PIM3: variants seen among roughly 807,000 people sequenced by gnomAD.
PIM3 encodes the protein serine/threonine-protein kinase pim-3.
PIM3 carries 13 observed loss-of-function variants against 27.5 expected under a neutral mutation model. The observed-to-expected ratio is 0.47, with a 90% CI of 0.31 to 0.75. The LOEUF is 0.75. PIM3 is among the 30% of genes least tolerant of loss of function. PIM3 has a pLI of 0.05. For missense variants in PIM3, 482 were observed against 476.9 expected (o/e 1.01, Z -0.10); for synonymous variants, 341 against 221.1 (o/e 1.54, Z -4.81).
In PIM3 at chr22:49,962,762, G is replaced by C; in HGVS notation, c.690G>C (p.Ser230=). 3 of 1,612,708 alleles carry C rather than the reference G, an allele frequency of 1.9e-6. No individual in the cohort carries two copies. Among genetic ancestry groups the C allele is most frequent in the Non-Finnish European group, 2.5e-6 (3 of 1,179,962 alleles). ...ACGGGCGCTCGGCCACCGTGTGGTC[G>C]CTGGGCGTGCTTCTCTACGATATGG... The part of the protein sequence containing the change: ...RYHGRSATVW[S]LGVLLYDMVC... The change falls in exon 5 of 6, where the codon TCG becomes TCC. Residue 230 remains serine (S), a synonymous_variant. Transcript: ENST00000360612.
In PIM3 at chr22:49,961,209, G is replaced by C; in HGVS notation, c.170G>C (p.Gly57Ala). The C allele has an allele frequency of 6.5e-7, 1 of 1,531,818 alleles. No homozygotes were observed. The highest frequency in any genetic ancestry group is 8.7e-7 in the Non-Finnish European group (1 of 1,143,346). The allele number at this position is 1,531,818 out of a possible 1,614,324, so 94.9% of individuals were successfully genotyped here. A position where few individuals can be genotyped will look rare whatever the true frequency, so the allele number is the denominator to read the frequency against. Reference sequence around the variant, plus strand: ...GGCGGCTTCGGCACGGTCTACGCGGGTAGCCGCATCGCCGACGGGCTCCCG... The same window carrying C: ...GGCGGCTTCGGCACGGTCTACGCGGCTAGCCGCATCGCCGACGGGCTCCCG... Reference protein sequence around the residue: ...GSGGFGTVYAGSRIADGLPVA... With the variant: ...GSGGFGTVYAASRIADGLPVA... The change falls in exon 2 of 6, where the codon GGT becomes GCT. Residue 57 changes from glycine (G) to alanine (A), a missense_variant. Transcript: ENST00000360612.
At chr22:49,962,188 G>A (rs1441521669) in intron 4 of PIM3, among the ~76,000 whole-genome samples, 3 of 151,914 alleles carry the variant, frequency 2.0e-5, no homozygotes, top group Admixed American at 2.0e-4. Flanking sequence ...CCGGGAGCCT[G>A]GAGGCCCCCG....
Position 49,961,682 on chromosome 22 carries a change from A to G in PIM3, c.487A>G (p.Ser163Gly), listed in dbSNP as rs1478343656. ...GCTGGCCGCCGTGCGCCACTGCCAC[A>G]GCTGCGGGGTCGTGCACCGCGACAT... ...QVLAAVRHCH[S>G]CGVVHRDIKD... The change falls in exon 4 of 6, where the codon AGC (serine) becomes GGC (glycine). Residue 163 changes from serine to glycine, a missense_variant. Physicochemically the swap from Ser to Gly is moderately conservative, Grantham distance 56. Coordinates refer to ENST00000360612, the MANE Select transcript of PIM3 (RefSeq NM_001001852.4). 6.3e-7 allele frequency: 1 copy of G among 1,597,326 alleles called. No homozygotes were observed. Among genetic ancestry groups the G allele is most frequent in the Non-Finnish European group, 8.5e-7 (1 of 1,172,926 alleles).
chr22:49,961,287 T>C, intron 2 of PIM3, 31 bp from the exon 3 acceptor site: 1 of 1,543,124 alleles, frequency 6.5e-7, no homozygotes, highest in East Asian at 2.7e-5. Flanking sequence ...TGCGCCTCGC[T>C]TGGCCCGGCC....
At chr22:49,961,875 G>A (rs866225762) in intron 4 of PIM3, 64 bp downstream of exon 4, 2 of 1,585,094 alleles carry the variant, frequency 1.3e-6, no homozygotes, top group Middle Eastern at 4.0e-4. Flanking sequence ...CGCCTGCAGG[G>A]GCGGCACATG....
Position 49,961,555 on chromosome 22 carries a change from G to A in PIM3, c.360G>A (p.Leu120=). 1 of 1,545,560 alleles carries A rather than the reference G, an allele frequency of 6.5e-7. No individual in the cohort carries two copies. ...LDWFERPDGF[L]LVLERPEPAQ... The stretch of plus-strand genomic sequence containing the variant: ...GGTTCGAGCGGCCCGACGGCTTCCT[G>A]CTGGTGCTGGAGCGGCCCGAGCCGG... The change falls in exon 4 of 6, where the codon CTG becomes CTA. Residue 120 remains leucine (L), a synonymous_variant. Coordinates refer to ENST00000360612, the MANE Select transcript of PIM3 (RefSeq NM_001001852.4).
rs766565240 is a variant in PIM3 at position 49,962,837 on chromosome 22, C to T, written c.765C>T (p.Arg255=). ...AGGACGAGGAGATCCTCCGAGGCCGCCTGCTCTTCCGGAGGAGGGTCTCTC... is the reference window on the plus strand; with the variant it reads ...AGGACGAGGAGATCCTCCGAGGCCGTCTGCTCTTCCGGAGGAGGGTCTCTC... ...FEQDEEILRG[R]LLFRRRVSPE... is the part of the protein sequence containing the mutation. Residue 255 remains arginine, a synonymous_variant, in exon 5 of 6, where the codon CGC becomes CGT. Coordinates refer to ENST00000360612, the MANE Select transcript of PIM3 (RefSeq NM_001001852.4). 2.5e-6 allele frequency: 4 copies of T among 1,610,962 alleles called. No individual in the cohort carries two copies. The highest frequency in any genetic ancestry group is 1.1e-5 in the South Asian group (1 of 91,066).
rs1339550214 is a variant in PIM3 at position 49,960,938 on chromosome 22, G to A, written c.-10G>A. Reference sequence around the variant, plus strand: ...TGGGGCTCGGGGCTCCGGGGAGGCCGTCGCCCGCGATGCTGCTCTCCAAGT... The same window carrying A: ...TGGGGCTCGGGGCTCCGGGGAGGCCATCGCCCGCGATGCTGCTCTCCAAGT... On this transcript the variant is annotated 5_prime_UTR_variant, in exon 1 of 6. Transcript: ENST00000360612. The A allele has an allele frequency of 3.0e-6, 4 of 1,313,872 alleles. No homozygotes were observed. Among genetic ancestry groups the A allele is most frequent in the South Asian group, 3.5e-5 (2 of 57,860 alleles). The allele number at this position is 1,313,872 out of a possible 1,614,324, so 81.4% of individuals were successfully genotyped here.
rs1285600954 is a variant in PIM3, at chr22:49,961,564, G to A, written c.369G>A (p.Leu123=). 1 of 1,546,336 alleles carries A rather than the reference G, an allele frequency of 6.5e-7. No homozygotes were observed. The highest frequency in any genetic ancestry group is 8.7e-7 in the Non-Finnish European group (1 of 1,146,384). ...GGCCCGACGGCTTCCTGCTGGTGCT[G>A]GAGCGGCCCGAGCCGGCGCAGGACC... The part of the protein sequence containing the change: ...FERPDGFLLV[L]ERPEPAQDLF... The change falls in exon 4 of 6, where the codon CTG becomes CTA. Residue 123 remains leucine (L), a synonymous_variant. Transcript: ENST00000360612.
In PIM3 at chr22:49,960,953, G is replaced by A. The variant is rs545738703; in HGVS notation, c.6G>A (p.Leu2=). ...CGGGGAGGCCGTCGCCCGCGATGCT[G>A]CTCTCCAAGTTCGGCTCCCTGGCGC... The part of the protein sequence containing the change: M[L]LSKFGSLAHL... The change falls in exon 1 of 6, where the codon CTG becomes CTA. Residue 2 remains leucine (L), a synonymous_variant. Coordinates refer to ENST00000360612, the MANE Select transcript of PIM3 (RefSeq NM_001001852.4). The A allele has an allele frequency of 3.2e-5, 43 of 1,360,164 alleles. No individual in the cohort carries two copies. The East Asian group carries it at 5.3e-4, about 17-fold the overall frequency. The allele number at this position is 1,360,164 out of a possible 1,614,324, so 84.3% of individuals were successfully genotyped here. A position where few individuals can be genotyped will look rare whatever the true frequency, so the allele number is the denominator to read the frequency against.
At chr22:49,961,259 C>T (rs910475262) in intron 2 of PIM3, 25 bp downstream of exon 2, 1 of 1,536,746 alleles carries the variant, frequency 6.5e-7, no homozygotes, top group Non-Finnish European at 8.7e-7. Flanking sequence ...CGGGCGGGCC[C>T]GGGTTTCTCG....
At position 49,961,460 on chromosome 22, in the gene PIM3, C is replaced by T. The variant is rs1004265567; in HGVS notation, c.265C>T (p.Leu89=). 10 of 1,462,594 alleles carry T rather than the reference C, an allele frequency of 6.8e-6. No individual in the cohort carries two copies. Among genetic ancestry groups the T allele is most frequent in the Non-Finnish European group, 7.2e-6 (8 of 1,112,592 alleles). 90.6% of individuals were successfully genotyped at this position (1,462,594 alleles called of 1,614,324 possible). The change falls in exon 4 of 6, where the codon CTG becomes TTG. Residue 89 remains leucine (L), a synonymous_variant. Coordinates refer to ENST00000360612, the MANE Select transcript of PIM3 (RefSeq NM_001001852.4). ...WGSLGGATVP[L]EVVLLRKVGA... Reference sequence around the variant, plus strand: ...CCCCCAGGGCGGCGCGACCGTGCCCCTGGAGGTGGTGCTGCTGCGCAAGGT... The same window carrying T: ...CCCCCAGGGCGGCGCGACCGTGCCCTTGGAGGTGGTGCTGCTGCGCAAGGT...
rs781774947 is a variant in PIM3 at position 49,962,860 on chromosome 22, C to T, written c.788C>T (p.Ser263Phe). ...CGCCTGCTCTTCCGGAGGAGGGTCT[C>T]TCCAGGTGCGTGGTGGCTCGAGGCG... ...RGRLLFRRRV[S>F]PECQQLIRWC... Residue 263 changes from serine to phenylalanine, a missense_variant, in exon 5 of 6, where the codon TCT (serine) becomes TTT (phenylalanine). Ser to Phe is a radical substitution (Grantham distance 155). Transcript: ENST00000360612. 1 of 1,608,998 alleles carries T rather than the reference C, an allele frequency of 6.2e-7. No homozygotes were observed. Among genetic ancestry groups the T allele is most frequent in the Non-Finnish European group, 8.5e-7 (1 of 1,179,268 alleles).
At position 49,963,502 on chromosome 22, in the gene PIM3, C is replaced by G. The variant is rs1447123513; in HGVS notation, c.*375C>G. 3.8e-5 allele frequency: 7 copies of G among 186,042 alleles called. No homozygotes were observed. Among genetic ancestry groups the G allele is most frequent in the Non-Finnish European group, 6.7e-5 (6 of 89,348 alleles). 11.5% of individuals were successfully genotyped at this position (186,042 alleles called of 1,614,324 possible). On this transcript the variant is annotated 3_prime_UTR_variant, in exon 6 of 6. Transcript: ENST00000360612. ...CAGTCCTGCGGTGTGCGTCTGGGCA[C>G]GTCCTGCACACACAATGCAAGTCCT...
In PIM3 at chr22:49,962,941, G is replaced by A; in HGVS notation, c.795G>A (p.Glu265=). The change falls in exon 6 of 6, where the codon GAG becomes GAA. Residue 265 remains glutamate (E), a splice_region_variant and synonymous_variant. Transcript: ENST00000360612. The part of the protein sequence containing the change: ...RLLFRRRVSP[E]CQQLIRWCLS... Reference sequence around the variant, plus strand: ...CCCTGACCTCTCCGCTCCGCACAGAGTGCCAGCAGCTGATCCGGTGGTGCC... The same window carrying A: ...CCCTGACCTCTCCGCTCCGCACAGAATGCCAGCAGCTGATCCGGTGGTGCC... 2 of 1,604,342 alleles carry A rather than the reference G, an allele frequency of 1.2e-6. No individual in the cohort carries two copies. Among genetic ancestry groups the A allele is most frequent in the South Asian group, 2.2e-5 (2 of 90,674 alleles).
In PIM3 at chr22:49,961,702, C is replaced by T; in HGVS notation, c.507C>T (p.Arg169=). The stretch of plus-strand genomic sequence containing the variant: ...GCCACAGCTGCGGGGTCGTGCACCG[C>T]GACATTAAGGACGAAAATCTGCTTG... The part of the protein sequence containing the change: ...RHCHSCGVVH[R]DIKDENLLVD... Residue 169 remains arginine (R), a synonymous_variant, in exon 4 of 6, where the codon CGC becomes CGT. Transcript: ENST00000360612. 6 of 1,605,744 alleles carry T rather than the reference C, an allele frequency of 3.7e-6. No homozygotes were observed. The highest frequency in any genetic ancestry group is 4.2e-6 in the Non-Finnish European group (5 of 1,176,842).
Position 49,963,289 on chromosome 22 carries a change from C to G in PIM3, c.*162C>G. 1.3e-6 allele frequency: 1 copy of G among 776,032 alleles called. No homozygotes were observed. The highest frequency in any genetic ancestry group is 2.0e-6 in the Non-Finnish European group (1 of 510,882). 48.1% of individuals were successfully genotyped at this position (776,032 alleles called of 1,614,324 possible). On this transcript the variant is annotated 3_prime_UTR_variant, in exon 6 of 6. Coordinates refer to ENST00000360612, the MANE Select transcript of PIM3 (RefSeq NM_001001852.4). ...TTGAGTGCCTTTTGAACGCTGGTCC[C>G]GCGGGACTTGGTTTTCTCAAGCTCT...
rs968456558 is a variant in PIM3, at chr22:49,961,245, C to T, written c.195+11C>T. 5.9e-6 allele frequency: 9 copies of T among 1,533,978 alleles called. No individual in the cohort carries two copies. The highest frequency in any genetic ancestry group is 5.7e-5 in the African/African-American group (4 of 69,772). ...GCCGACGGGCTCCCGGTGAGTCGGA[C>T]CGCCGGGCGGGCCCGGGTTTCTCGC... On this transcript the variant is annotated intron_variant, in intron 2 of 5. Transcript: ENST00000360612.
At position 49,961,680 on chromosome 22, in the gene PIM3, A is replaced by G. The variant is rs1378363003; in HGVS notation, c.485A>G (p.His162Arg). Residue 162 changes from histidine to arginine, a missense_variant, in exon 4 of 6, where the codon CAC (histidine) becomes CGC (arginine). Transcript: ENST00000360612. The part of the protein sequence containing the change: ...AQVLAAVRHC[H>R]SCGVVHRDIK... The stretch of plus-strand genomic sequence containing the variant: ...GTGCTGGCCGCCGTGCGCCACTGCC[A>G]CAGCTGCGGGGTCGTGCACCGCGAC... The G allele has an allele frequency of 6.3e-7, 1 of 1,596,202 alleles. No individual in the cohort carries two copies. Among genetic ancestry groups the G allele is most frequent in the East Asian group, 2.3e-5 (1 of 43,996 alleles).
Sources: gnomAD v4.1 joint callset for allele counts (sites outside exome capture counted in the v4.1 genomes callset) on GRCh38, gnomAD v4.1.1 for gene constraint, MANE v1.5 for transcripts, NCBI Gene and HGNC (gene_info 2026-07-23, HGNC 2026-07-21) for gene names.